Variants in SDK1 observed in about 807,000 individuals in gnomAD.
SDK1 encodes protein sidekick-1.
In SDK1, 157 loss-of-function variants were observed where a neutral mutation model predicts 245.5. The observed-to-expected ratio is 0.64, with a 90% CI of 0.56 to 0.73. The LOEUF (loss-of-function observed/expected upper bound fraction) is 0.73. Ranked by LOEUF, SDK1 falls within the 30% of genes least tolerant of loss-of-function variation. The pLI is 0.00. For synonymous variants in SDK1, 1,647 were observed against 1,278.5 expected, an observed-to-expected ratio of 1.29 and a Z score of -6.15; for missense variants, 3,583 against 3,002.3, an observed-to-expected ratio of 1.19 and a Z score of -4.52.
At chr7:3,729,457 G>T (rs1421387014) in intron 4 of SDK1, among the ~76,000 whole-genome samples, 1 of 152,128 alleles carries the variant, frequency 6.6e-6, no homozygotes, top group Non-Finnish European at 1.5e-5. Context: ...AACTGGGTGG[G>T]GGCCACATTT....
chr7:3,656,505 G>C (rs1158445782), intron 4 of SDK1, among the ~76,000 whole-genome samples: 1 of 152,098 alleles, frequency 6.6e-6, no homozygotes, highest in Non-Finnish European at 1.5e-5. Context: ...CTCTAAGGGG[G>C]TACTGCTGGA....
intron 1 of SDK1, among the ~76,000 whole-genome samples, chr7:3,413,302 A>G (rs2128578154): frequency 6.6e-6 from 1 of 152,340 alleles, no homozygotes; most frequent in Admixed American, 6.5e-5. Context: ...CATAGCCTGA[A>G]GCTAAAGAGG....
chr7:3,921,752 G>A (rs540232476), intron 5 of SDK1, among the ~76,000 whole-genome samples: 1 of 152,084 alleles, frequency 6.6e-6, no homozygotes. Context: ...GATCACTTGA[G>A]CCCAGGAGCT....
intron 5 of SDK1, among the ~76,000 whole-genome samples, chr7:3,822,015 A>G (rs955303231): frequency 1.3e-5 from 2 of 152,228 alleles, no homozygotes; most frequent in Non-Finnish European, 2.9e-5. Flanking sequence ...AATTAGCAGT[A>G]TTTAAGCATA....
At chr7:3,550,998 C>T (rs1210936535) in intron 1 of SDK1, among the ~76,000 whole-genome samples, 13 of 152,182 alleles carry the variant, frequency 8.5e-5, no homozygotes, top group Non-Finnish European at 1.0e-4. Flanking sequence ...GTTGAGTGAA[C>T]TCAACCAGCT....
rs1781862378 is a variant in SDK1, at chr7:3,619,255, A to G, written c.458+16A>G. ...GCGAATATAAGTAATTGATCGCTTG[A>G]AAAAATAAGATCCCATTTCAGTTGA... On this transcript the variant is annotated intron_variant, in intron 2 of 44. Transcript: ENST00000404826. 1.3e-6 allele frequency: 2 copies of G among 1,589,426 alleles called. No homozygotes were observed. Among genetic ancestry groups the G allele is most frequent in the South Asian group, 2.2e-5 (2 of 90,174 alleles).
chr7:4,214,370 T>G (rs1446305427), intron 38 of SDK1, among the ~76,000 whole-genome samples: 1 of 152,224 alleles, frequency 6.6e-6, no homozygotes, highest in Non-Finnish European at 1.5e-5. Context: ...GTGGAGTCAC[T>G]TTAGTCACAA....
At chr7:4,211,752 G>A (rs1362835879) in intron 38 of SDK1, among the ~76,000 whole-genome samples, 1 of 152,172 alleles carries the variant, frequency 6.6e-6, no homozygotes, top group Non-Finnish European at 1.5e-5. Context: ...TGGGACTACA[G>A]GCGCCCACCA....
At chr7:4,043,520 C>T (rs1583922226) in intron 17 of SDK1, among the ~76,000 whole-genome samples, 1 of 152,230 alleles carries the variant, frequency 6.6e-6, no homozygotes, top group Middle Eastern at 3.4e-3. Context: ...TTTAGGTAGC[C>T]CACATAATGA....
At chr7:3,489,630 C>T (rs987612008) in intron 1 of SDK1, among the ~76,000 whole-genome samples, 14 of 152,172 alleles carry the variant, frequency 9.2e-5, no homozygotes, top group African/African-American at 3.4e-4. Flanking sequence ...ATTAGCTACC[C>T]AGTTTGTTTT....
chr7:3,650,986 G>T (rs1290568484), intron 4 of SDK1, among the ~76,000 whole-genome samples: 1 of 151,906 alleles, frequency 6.6e-6, no homozygotes, highest in Non-Finnish European at 1.5e-5. Context: ...ATTGTATCCA[G>T]TTTTTGGCCA....
At chr7:4,017,473 C>G in intron 17 of SDK1, 121 bp downstream of exon 17, 1 of 756,530 alleles carries the variant, frequency 1.3e-6, no homozygotes, top group Non-Finnish European at 2.1e-6. Context: ...GGAGCGTTTA[C>G]AAGAAAATTC....
intron 4 of SDK1, among the ~76,000 whole-genome samples, chr7:3,677,916 T>C (rs945704653): frequency 6.6e-5 from 10 of 152,290 alleles, no homozygotes; most frequent in East Asian, 3.9e-4. Flanking sequence ...ATGTCCAGAA[T>C]GTGTAAAGAA....
intron 27 of SDK1, 143 bp from the exon 28 acceptor site, chr7:4,132,182 A>G (rs35849025): frequency 0.15 from 89,264 of 610,214 alleles, 14,419 homozygotes; most frequent in East Asian, 0.75. Context: ...TCATCAGTCC[A>G]AAACTTTAGG....
chr7:4,057,057 A>G (rs6958682), intron 19 of SDK1, among the ~76,000 whole-genome samples: 39,321 of 152,026 alleles, frequency 0.26, 7,650 homozygotes, highest in African/African-American at 0.56. Flanking sequence ...CTTCGCTTCC[A>G]GGCACCCTGA....
intron 1 of SDK1, among the ~76,000 whole-genome samples, chr7:3,603,488 G>A (rs1437007985): frequency 1.3e-5 from 2 of 151,570 alleles, no homozygotes; most frequent in African/African-American, 4.8e-5. Context: ...CTGTTTGTCT[G>A]TTATTGGTGT....
intron 1 of SDK1, among the ~76,000 whole-genome samples, chr7:3,404,676 T>G (rs1779003878): frequency 6.6e-6 from 1 of 152,210 alleles, no homozygotes; most frequent in African/African-American, 2.4e-5. Flanking sequence ...ATGACTGAAG[T>G]CAATTACTTC....
At chr7:3,715,627 CA>C (rs1456298343) in intron 4 of SDK1, among the ~76,000 whole-genome samples, 3 of 151,938 alleles carry the variant, frequency 2.0e-5, no homozygotes, top group Non-Finnish European at 4.4e-5. Context: ...AACTACAGCC[CA>C]AAAAAGTAGG....
intron 2 of SDK1, among the ~76,000 whole-genome samples, chr7:3,622,049 AAT>A (rs977983773): frequency 7.4e-4 from 112 of 152,310 alleles, no homozygotes; most frequent in African/African-American, 2.7e-3. Flanking sequence ...GAGCATGCTT[AAT>A]ATAGGCTAGG....
Sources: gnomAD v4.1 joint callset for allele counts (sites outside exome capture counted in the v4.1 genomes callset) on GRCh38, gnomAD v4.1.1 for gene constraint, MANE v1.5 for transcripts, NCBI Gene and HGNC (gene_info 2026-07-23, HGNC 2026-07-21) for gene names.